The following MED12L variants were observed in gnomAD, a reference collection of about 807,000 sequenced individuals.
MED12L encodes the protein mediator of RNA polymerase II transcription subunit 12-like protein.
MED12L carries 60 observed loss-of-function variants against 281.3 expected under a neutral mutation model. That is an observed-to-expected ratio of 0.21 (90% confidence interval 0.17 to 0.26). The LOEUF is 0.26. MED12L is among the 10% of genes least tolerant of loss of function. The probability of loss-of-function intolerance (pLI) is 1.00; values close to 1 mark genes in which losing one functional copy is unlikely to be tolerated. For synonymous variants in MED12L, 974 were observed against 987.2 expected, an observed-to-expected ratio of 0.99 and a Z score of 0.25; for missense variants, 2,146 against 2,680.9, an observed-to-expected ratio of 0.80 and a Z score of 4.41.
intron 16 of MED12L, among the ~76,000 whole-genome samples, chr3:151,194,181 G>C (rs886693949): frequency 6.6e-6 from 1 of 151,954 alleles, no homozygotes; most frequent in Admixed American, 6.6e-5. Context: ...TGGGCAGGCT[G>C]GTCTCGAACT....
chr3:151,114,987 C>T (rs1343380631), intron 2 of MED12L, among the ~76,000 whole-genome samples: 2 of 152,110 alleles, frequency 1.3e-5, no homozygotes, highest in Non-Finnish European at 2.9e-5. Flanking sequence ...CTGGCTTTGT[C>T]CAATTGCTGC....
chr3:151,199,127 C>T (rs1347247758), intron 16 of MED12L: 1 of 1,614,016 alleles, frequency 6.2e-7, no homozygotes, highest in Non-Finnish European at 8.5e-7. Flanking sequence ...TGTTACTTGG[C>T]AGTGGAATAT....
intron 16 of MED12L, among the ~76,000 whole-genome samples, chr3:151,236,497 C>A (rs1732835926): frequency 6.6e-6 from 1 of 152,114 alleles, no homozygotes; most frequent in African/African-American, 2.4e-5. Flanking sequence ...GACTCAGTAA[C>A]CAAAACGAAA....
intron 16 of MED12L, among the ~76,000 whole-genome samples, chr3:151,230,482 T>C (rs2149321386): frequency 6.6e-6 from 1 of 152,316 alleles, no homozygotes; most frequent in East Asian, 1.9e-4. Context: ...AAACACTCCT[T>C]TCTCGTTATA....
At chr3:151,380,434 TAA>T (rs1349977382) in intron 32 of MED12L, among the ~76,000 whole-genome samples, 2 of 151,936 alleles carry the variant, frequency 1.3e-5, no homozygotes, top group Non-Finnish European at 2.9e-5. Flanking sequence ...CCGTCTGTAC[TAA>T]AAATACAAAA....
At chr3:151,403,679 A>C (rs1715964990) in intron 39 of MED12L, among the ~76,000 whole-genome samples, 1 of 152,304 alleles carries the variant, frequency 6.6e-6, no homozygotes, top group African/African-American at 2.4e-5. Context: ...AACCCACAAC[A>C]TAAACCCAAG....
chr3:151,277,251 A>G (rs772795658), intron 16 of MED12L, among the ~76,000 whole-genome samples: 51 of 151,806 alleles, frequency 3.4e-4, no homozygotes, highest in Non-Finnish European at 6.8e-4. Flanking sequence ...GTTCATTCAT[A>G]TATACCAATG....
chr3:151,321,344 G>T (rs1035668205), intron 16 of MED12L, among the ~76,000 whole-genome samples: 1 of 152,086 alleles, frequency 6.6e-6, no homozygotes, highest in Non-Finnish European at 1.5e-5. Context: ...AAGGGAGGTC[G>T]TCTCAGTAGG....
chr3:151,106,316 C>T (rs1426472243), intron 2 of MED12L, among the ~76,000 whole-genome samples: 5 of 83,618 alleles, frequency 6.0e-5, no homozygotes, highest in African/African-American at 1.7e-4. Context: ...CTTCTCCCCT[C>T]CCCTCCCCTC....
intron 16 of MED12L, among the ~76,000 whole-genome samples, chr3:151,297,694 T>C (rs949675946): frequency 6.6e-6 from 1 of 152,164 alleles, no homozygotes; most frequent in Non-Finnish European, 1.5e-5. Context: ...TACTTCACAG[T>C]GTTGCTTAGG....
At chr3:151,413,873 ATTT>A (rs201952932) in intron 42 of MED12L, among the ~76,000 whole-genome samples, 2 of 143,882 alleles carry the variant, frequency 1.4e-5, no homozygotes, top group Admixed American at 6.9e-5. Flanking sequence ...CCCTTGATAC[ATTT>A]TTTTTTTTTT....
At chr3:151,108,070 GA>G (rs1380957065) in intron 2 of MED12L, among the ~76,000 whole-genome samples, 1 of 152,142 alleles carries the variant, frequency 6.6e-6, no homozygotes, top group Non-Finnish European at 1.5e-5. Context: ...CTTCTCAGGG[GA>G]AAAAGAGAAG....
chr3:151,299,715 C>T (rs372163613), intron 16 of MED12L, among the ~76,000 whole-genome samples: 3 of 151,938 alleles, frequency 2.0e-5, no homozygotes, highest in Non-Finnish European at 2.9e-5. Context: ...TATCTCTGGC[C>T]TCTTGGGGAA....
At chr3:151,310,719 T>C (rs1474848920) in intron 16 of MED12L, among the ~76,000 whole-genome samples, 1 of 152,232 alleles carries the variant, frequency 6.6e-6, no homozygotes, top group East Asian at 1.9e-4. Flanking sequence ...TTGTTTAAAT[T>C]TAAGTTCATT....
chr3:151,324,399 G>A (rs1749343941), intron 16 of MED12L, among the ~76,000 whole-genome samples: 1 of 152,078 alleles, frequency 6.6e-6, no homozygotes, highest in Non-Finnish European at 1.5e-5. Context: ...GTGGGGTCAG[G>A]GAGCATGGGG....
intron 36 of MED12L, among the ~76,000 whole-genome samples, chr3:151,387,075 C>T (rs1201615370): frequency 1.3e-5 from 2 of 152,140 alleles, no homozygotes; most frequent in Non-Finnish European, 2.9e-5. Context: ...GTAACACTTA[C>T]ATCTTAGGGA....
At chr3:151,352,256 C>T (rs1753324901) in intron 17 of MED12L, among the ~76,000 whole-genome samples, 1 of 152,122 alleles carries the variant, frequency 6.6e-6, no homozygotes, top group African/African-American at 2.4e-5. Flanking sequence ...GACATTATGT[C>T]TGCACTCAAA....
intron 5 of MED12L, among the ~76,000 whole-genome samples, chr3:151,139,522 G>T (rs562172238): frequency 3.3e-5 from 5 of 152,154 alleles, no homozygotes; most frequent in Non-Finnish European, 7.4e-5. Context: ...TTGATGCCTG[G>T]TAAGTGCATT....
At chr3:151,410,112 C>T (rs957315128) in intron 40 of MED12L, among the ~76,000 whole-genome samples, 2 of 152,142 alleles carry the variant, frequency 1.3e-5, no homozygotes, top group Middle Eastern at 3.2e-3. Context: ...CTCTGAGCTT[C>T]GGTTTCCTTC....
Sources: gnomAD v4.1 joint callset for allele counts (sites outside exome capture counted in the v4.1 genomes callset) on GRCh38, gnomAD v4.1.1 for gene constraint, MANE v1.5 for transcripts, NCBI Gene and HGNC (gene_info 2026-07-23, HGNC 2026-07-21) for gene names.